Variants in CFHR5 observed in about 807,000 individuals in gnomAD.
CFHR5 encodes the protein complement factor H related 5, also known as complement factor H-related protein 5.
Under a neutral mutation model 62.9 loss-of-function variants are expected in CFHR5, and 73 were observed. That is an observed-to-expected ratio of 1.16 (90% CI 0.96 to 1.41). The LOEUF (loss-of-function observed/expected upper bound fraction) is 1.41, where lower values mean the gene tolerates loss of function less well. Among genes scored for constraint, CFHR5 ranks in the 40% most tolerant of loss-of-function variants. The pLI is 0.00. For synonymous variants in CFHR5, 249 were observed against 227.2 expected (o/e 1.10, Z -0.86); for missense variants, 779 against 679.9 (o/e 1.15, Z -1.62).
At chr1:197,006,081 C>A (rs1406935578) in intron 9 of CFHR5, among the ~76,000 whole-genome samples, 3 of 152,108 alleles carry the variant, frequency 2.0e-5, no homozygotes, top group Non-Finnish European at 4.4e-5. Context: ...ATTTTAAGTA[C>A]AGCCAAGTTT....
intron 3 of CFHR5, among the ~76,000 whole-genome samples, chr1:196,991,153 A>T (rs1471424345): frequency 4.6e-5 from 7 of 152,044 alleles, no homozygotes; most frequent in African/African-American, 1.7e-4. Flanking sequence ...ACATGATCAA[A>T]TCGGCTATTG....
At chr1:196,987,927 C>T (rs188096383) in intron 3 of CFHR5, among the ~76,000 whole-genome samples, 89 of 152,118 alleles carry the variant, frequency 5.9e-4, no homozygotes, top group African/African-American at 2.0e-3. Flanking sequence ...TAACTTGATG[C>T]GGATGGCATT....
chr1:196,986,513 TC>T (rs1263905730), intron 3 of CFHR5, among the ~76,000 whole-genome samples: 1 of 151,992 alleles, frequency 6.6e-6, no homozygotes, highest in African/African-American at 2.4e-5. Flanking sequence ...ATGCTACCCC[TC>T]CCCTACCTCC....
intron 7 of CFHR5, among the ~76,000 whole-genome samples, chr1:196,999,947 C>A (rs2125037559): frequency 6.6e-6 from 1 of 150,940 alleles, no homozygotes; most frequent in South Asian, 2.1e-4. Flanking sequence ...CCTTGTATTT[C>A]CAACTAATCC....
At chr1:196,977,524 C>T, upstream of CFHR5, 1 of 756,554 alleles carries the variant, frequency 1.3e-6, no homozygotes, top group Non-Finnish European at 2.4e-6. Flanking sequence ...TGATGTTTTC[C>T]ACAAAGGGCT....
intron 3 of CFHR5, 140 bp downstream of exon 3, chr1:196,984,277 T>C: frequency 1.4e-6 from 1 of 735,940 alleles, no homozygotes; most frequent in South Asian, 1.8e-5. Context: ...CAATTGTGTC[T>C]AAGTAGATGT....
At chr1:196,993,963 C>G (rs1653917681) in intron 3 of CFHR5, 117 bp from the exon 4 acceptor site, 2 of 794,982 alleles carry the variant, frequency 2.5e-6, no homozygotes, top group Admixed American at 5.0e-5. Flanking sequence ...TTCTCGAAGG[C>G]AAGAATATAT....
intron 3 of CFHR5, among the ~76,000 whole-genome samples, chr1:196,990,700 C>G (rs1027463606): frequency 1.1e-4 from 17 of 152,222 alleles, no homozygotes; most frequent in African/African-American, 3.6e-4. Flanking sequence ...ATATTGGCCC[C>G]CACTCTCTTC....
chr1:196,975,881 G>A (rs1653385335), upstream of CFHR5, among the ~76,000 whole-genome samples: 1 of 152,142 alleles, frequency 6.6e-6, no homozygotes, highest in African/African-American at 2.4e-5. Flanking sequence ...CAGATAGAAA[G>A]GAACGAATGG....
intron 1 of CFHR5, among the ~76,000 whole-genome samples, chr1:196,979,260 G>C (rs1320924446): frequency 3.2e-5 from 3 of 94,966 alleles, no homozygotes; most frequent in Non-Finnish European, 7.8e-5. Context: ...AATTGTCTGT[G>C]TGTGTGTGTG....
chr1:196,994,105 A>G lies in CFHR5; in HGVS notation c.456A>G (p.Leu152=), dbSNP rs923543554. ...FTKGECHVPI[L]EANVDAQPKK... ...AAGGAGAATGTCATGTTCCAATTTT[A>G]GAAGCCAATGTAGATGCTCAGCCAA... Residue 152 remains leucine, a synonymous_variant, in exon 4 of 10, where the codon TTA becomes TTG. Coordinates refer to ENST00000256785, the MANE Select transcript of CFHR5 (RefSeq NM_030787.4). 3 of 1,613,300 alleles carry G rather than the reference A, an allele frequency of 1.9e-6. No individual in the cohort carries two copies. Among genetic ancestry groups the G allele is most frequent in the Non-Finnish European group, 2.5e-6 (3 of 1,179,556 alleles).
intron 1 of CFHR5, among the ~76,000 whole-genome samples, chr1:196,981,812 A>G (rs1189600965): frequency 6.6e-6 from 1 of 152,020 alleles, no homozygotes; most frequent in African/African-American, 2.4e-5. Context: ...TATTTATAAT[A>G]TCTAACATAA....
chr1:197,004,684 C>T lies in CFHR5; in HGVS notation c.1354C>T (p.Pro452Ser), dbSNP rs368052499. 6.2e-7 allele frequency: 1 copy of T among 1,613,424 alleles called. No individual in the cohort carries two copies. Among genetic ancestry groups the T allele is most frequent in the Non-Finnish European group, 8.5e-7 (1 of 1,179,504 alleles). ...CVESTAYCGP[P>S]PSINNGDTTS... ...AGAGTCTACTGCATATTGTGGGCCC[C>T]CTCCATCTATTAACAATGGAGATAC... The change falls in exon 9 of 10, where the codon CCT (proline) becomes TCT (serine). Residue 452 changes from proline (P) to serine (S), a missense_variant. Physicochemically the swap from Pro to Ser is moderately conservative, Grantham distance 74. Coordinates refer to ENST00000256785, the MANE Select transcript of CFHR5 (RefSeq NM_030787.4).
Position 196,977,602 on chromosome 1 carries a change from G to C in CFHR5, c.-63G>C, listed in dbSNP as rs1429600213. The C allele has an allele frequency of 1.5e-6, 2 of 1,300,400 alleles. No homozygotes were observed. The highest frequency in any genetic ancestry group is 1.1e-6 in the Non-Finnish European group (1 of 894,546). The allele number at this position is 1,300,400 out of a possible 1,614,324, so 80.6% of individuals were successfully genotyped here. A position where few individuals can be genotyped will look rare whatever the true frequency, so the allele number is the denominator to read the frequency against. On this transcript the variant is annotated 5_prime_UTR_variant, in exon 1 of 10. Coordinates refer to ENST00000256785, the MANE Select transcript of CFHR5 (RefSeq NM_030787.4). The stretch of plus-strand genomic sequence containing the variant: ...ATGCTTGTAACTGTTAATGAAAGCA[G>C]ATTTAAAGCAACACCACCATCACTG...
At chr1:196,995,153 T>C (rs1653956261) in intron 4 of CFHR5, among the ~76,000 whole-genome samples, 1 of 152,170 alleles carries the variant, frequency 6.6e-6, no homozygotes, top group Non-Finnish European at 1.5e-5. Flanking sequence ...TTTACTTTTA[T>C]ATAACTTTCA....
At chr1:196,982,417 A>G (rs1653566371) in intron 1 of CFHR5, among the ~76,000 whole-genome samples, 1 of 152,168 alleles carries the variant, frequency 6.6e-6, no homozygotes, top group Admixed American at 6.5e-5. Context: ...CATGCCTGTA[A>G]TCCCGGCAGT....
chr1:196,989,532 C>T (rs1180104989), intron 3 of CFHR5, among the ~76,000 whole-genome samples: 11 of 152,138 alleles, frequency 7.2e-5, no homozygotes, highest in East Asian at 1.9e-4. Context: ...CCTCTACACA[C>T]TGCTTTAAAT....
At chr1:196,985,958 T>C (rs1653671596) in intron 3 of CFHR5, among the ~76,000 whole-genome samples, 1 of 152,190 alleles carries the variant, frequency 6.6e-6, no homozygotes. Flanking sequence ...AAAAAGCACA[T>C]ATCTTATTGT....
chr1:196,991,912 T>C (rs1402709861), intron 3 of CFHR5, among the ~76,000 whole-genome samples: 1 of 152,160 alleles, frequency 6.6e-6, no homozygotes, highest in Non-Finnish European at 1.5e-5. Context: ...GAACCACTGC[T>C]CTCTTCAGAG....
Sources: allele counts gnomAD v4.1 joint callset (sites outside exome capture counted in the v4.1 genomes callset), GRCh38; gene constraint gnomAD v4.1.1; transcripts MANE v1.5; gene names NCBI Gene and HGNC (gene_info 2026-07-23, HGNC 2026-07-21).